WWOX: variants seen among roughly 807,000 people sequenced by gnomAD.
WWOX encodes WW domain containing oxidoreductase, also known as WW domain-containing oxidoreductase.
WWOX carries 69 observed loss-of-function variants against 46.2 expected under a neutral mutation model. The observed-to-expected ratio is 1.49, with a 90% CI of 1.23 to 1.82. The LOEUF (loss-of-function observed/expected upper bound fraction) is 1.82. WWOX is among the 40% of genes most tolerant of loss of function. The pLI is 0.00. For synonymous variants in WWOX, 359 were observed against 202.6 expected, an observed-to-expected ratio of 1.77 and a Z score of -6.56; for missense variants, 919 against 542.6, an observed-to-expected ratio of 1.69 and a Z score of -6.89.
At chr16:78,623,882 T>C (rs539351778) in intron 8 of WWOX, among the ~76,000 whole-genome samples, 6 of 152,298 alleles carry the variant, frequency 3.9e-5, no homozygotes, top group African/African-American at 1.4e-4. Context: ...AGTCACATAT[T>C]GTATAGAATA....
chr16:78,584,107 C>T (rs1394765573), intron 8 of WWOX, among the ~76,000 whole-genome samples: 2 of 152,208 alleles, frequency 1.3e-5, no homozygotes, highest in Non-Finnish European at 2.9e-5. Context: ...ATGTCTTCCA[C>T]ACTGGACTGT....
At chr16:78,474,157 T>C (rs1196845733) in intron 8 of WWOX, among the ~76,000 whole-genome samples, 4 of 152,260 alleles carry the variant, frequency 2.6e-5, no homozygotes. Flanking sequence ...GAAATGGTTC[T>C]GCTGAAATTT....
intron 5 of WWOX, among the ~76,000 whole-genome samples, chr16:78,229,668 G>A (rs2037189048): frequency 6.6e-6 from 1 of 151,882 alleles, no homozygotes; most frequent in African/African-American, 2.4e-5. Flanking sequence ...TTCTTGTTTT[G>A]GGGGCTAATT....
At position 79,080,703 on chromosome 16, in the gene WWOX, A is replaced by T. The variant is rs975802617; in HGVS notation, c.1057-130905A>T. ...ATGGCTTAGCCGGGTACAGTGGCTC[A>T]TACCTGTAATCCCAGCCACTTGGGA... On this transcript the variant is annotated intron_variant, in intron 8 of 8. Transcript: ENST00000566780. Among the ~76,000 whole-genome samples, 64 of 152,192 alleles carry T rather than the reference A, an allele frequency of 4.2e-4. 4 individuals carry two copies. The highest frequency in any genetic ancestry group is 2.6e-4 in the Non-Finnish European group (18 of 68,030).
intron 8 of WWOX, among the ~76,000 whole-genome samples, chr16:78,544,167 T>A (rs565062923): frequency 6.6e-6 from 1 of 152,276 alleles, no homozygotes; most frequent in Non-Finnish European, 1.5e-5. Flanking sequence ...ATTCAATGAA[T>A]AAAAAATTGA....
At chr16:78,214,568 C>T (rs983136336) in intron 5 of WWOX, among the ~76,000 whole-genome samples, 1 of 152,132 alleles carries the variant, frequency 6.6e-6, no homozygotes, top group Non-Finnish European at 1.5e-5. Context: ...ATATGCTGTC[C>T]CTTCTAATCA....
At chr16:78,820,221 C>T (rs987624567) in intron 8 of WWOX, among the ~76,000 whole-genome samples, 3 of 152,100 alleles carry the variant, frequency 2.0e-5, no homozygotes, top group African/African-American at 4.8e-5. Flanking sequence ...AAAGCAAGAA[C>T]AGTCATGGAC....
chr16:78,765,358 A>G (rs116536080), intron 8 of WWOX, among the ~76,000 whole-genome samples: 314 of 152,282 alleles, frequency 2.1e-3, no homozygotes, highest in African/African-American at 7.1e-3. Flanking sequence ...GACTTCAGGA[A>G]GCAGGTGAGA....
chr16:78,334,838 A>G (rs1169473335), intron 5 of WWOX, among the ~76,000 whole-genome samples: 1,542 of 143,056 alleles, frequency 0.011, 34 homozygotes, highest in African/African-American at 0.042. Flanking sequence ...ACACATACAC[A>G]CACACACACA....
Position 78,301,761 on chromosome 16 carries a change from C to A in WWOX, c.517-85099C>A, listed in dbSNP as rs900354856. 1.1e-4 allele frequency among the ~76,000 whole-genome samples: 17 copies of A among 152,266 alleles called. No individual in the cohort carries two copies. In the South Asian group the frequency reaches 3.5e-3, roughly 32 times the overall value. ...TCTCTGGTCACTGATGGTTCAACTA[C>A]AGCACAGATGCACTGGGTAACAGAC... is the stretch of plus-strand genomic sequence containing the variant. On this transcript the variant is annotated intron_variant, in intron 5 of 8. Coordinates refer to ENST00000566780, the MANE Select transcript of WWOX (RefSeq NM_016373.4).
intron 8 of WWOX, among the ~76,000 whole-genome samples, chr16:78,456,426 G>A (rs1270141973): frequency 2.3e-5 from 3 of 127,862 alleles, no homozygotes. Context: ...CATAAACAAA[G>A]CAATAGAAAA....
intron 8 of WWOX, among the ~76,000 whole-genome samples, chr16:78,844,859 G>C (rs1218896493): frequency 6.6e-6 from 1 of 152,156 alleles, no homozygotes; most frequent in Admixed American, 6.5e-5. Context: ...CCTTGCTCTA[G>C]CTCACCAGGG....
At chr16:78,501,423 C>A (rs992684279) in intron 8 of WWOX, among the ~76,000 whole-genome samples, 1 of 152,022 alleles carries the variant, frequency 6.6e-6, no homozygotes, top group Non-Finnish European at 1.5e-5. Context: ...TTGAGACAGC[C>A]TGCAAAATAG....
chr16:78,854,917 T>C (rs1048412213), intron 8 of WWOX, among the ~76,000 whole-genome samples: 2 of 152,074 alleles, frequency 1.3e-5, no homozygotes, highest in Non-Finnish European at 2.9e-5. Flanking sequence ...TTTTTTTTTT[T>C]TTTTTTAACA....
intron 5 of WWOX, among the ~76,000 whole-genome samples, chr16:78,248,981 G>A (rs1055224312): frequency 1.5e-4 from 23 of 148,454 alleles, no homozygotes; most frequent in East Asian, 2.1e-4. Flanking sequence ...CTCAGCCTCC[G>A]GAGCAGCTGG....
intron 8 of WWOX, among the ~76,000 whole-genome samples, chr16:79,074,285 C>T (rs1225266697): frequency 6.6e-6 from 1 of 151,844 alleles, no homozygotes; most frequent in Non-Finnish European, 1.5e-5. Context: ...ACCTGGGTTT[C>T]TAATGATGGT....
chr16:78,175,196 G>A (rs1597309907), intron 5 of WWOX, among the ~76,000 whole-genome samples: 1 of 152,042 alleles, frequency 6.6e-6, no homozygotes, highest in Admixed American at 6.5e-5. Context: ...CTGGAGAGAA[G>A]TAGGGGTGTC....
intron 8 of WWOX, among the ~76,000 whole-genome samples, chr16:78,488,597 A>G (rs556516067): frequency 6.6e-6 from 1 of 151,992 alleles, no homozygotes; most frequent in Non-Finnish European, 1.5e-5. Context: ...GACCCGAGAG[A>G]CCGTGGAGCT....
chr16:78,979,417 C>G (rs1335533914), intron 8 of WWOX, among the ~76,000 whole-genome samples: 1 of 152,160 alleles, frequency 6.6e-6, no homozygotes, highest in Non-Finnish European at 1.5e-5. Context: ...AAGTTTATGT[C>G]TGTCTCGGAA....
Sources: gnomAD v4.1 joint callset for allele counts (sites outside exome capture counted in the v4.1 genomes callset) on GRCh38, gnomAD v4.1.1 for gene constraint, MANE v1.5 for transcripts, NCBI Gene and HGNC (gene_info 2026-07-23, HGNC 2026-07-21) for gene names.